Variants in CNTN4 observed in about 807,000 individuals in gnomAD.
CNTN4 encodes contactin-4.
CNTN4 carries 77 observed loss-of-function variants against 122.5 expected under a neutral mutation model. That is an observed-to-expected ratio of 0.63 (90% CI 0.52 to 0.76). CNTN4 has a LOEUF of 0.76. Among genes scored for constraint, CNTN4 ranks in the 30% least tolerant of loss-of-function variants. The pLI, the probability that CNTN4 is intolerant of heterozygous loss-of-function variation, is 0.00. For missense variants in CNTN4, 1,256 were observed against 1,259.1 expected (o/e 1.00, Z 0.04); for synonymous variants, 512 against 447.0 (o/e 1.15, Z -1.83).
intron 23 of CNTN4, among the ~76,000 whole-genome samples, chr3:3,053,255 A>G (rs1159361671): frequency 6.6e-6 from 1 of 152,172 alleles, no homozygotes; most frequent in Non-Finnish European, 1.5e-5. Context: ...GGCTGGTCTC[A>G]AACTCCTGGC....
intron 3 of CNTN4, among the ~76,000 whole-genome samples, chr3:2,454,784 G>A (rs1407152314): frequency 6.6e-6 from 1 of 151,870 alleles, no homozygotes; most frequent in East Asian, 1.9e-4. Flanking sequence ...TACTCAGTAA[G>A]TATTTCATGA....
intron 8 of CNTN4, among the ~76,000 whole-genome samples, chr3:2,868,867 A>G (rs2093753639): frequency 6.6e-6 from 1 of 152,114 alleles, no homozygotes; most frequent in African/African-American, 2.4e-5. Flanking sequence ...GTGGGTGTCT[A>G]CTTTAGACAG....
chr3:2,297,148 T>A (rs760867261), intron 2 of CNTN4, among the ~76,000 whole-genome samples: 5 of 152,206 alleles, frequency 3.3e-5, no homozygotes, highest in Non-Finnish European at 5.9e-5. Context: ...TCAACCGTAA[T>A]GTCTTTCAAT....
chr3:2,203,517 T>C (rs895105431), intron 2 of CNTN4, among the ~76,000 whole-genome samples: 1 of 152,108 alleles, frequency 6.6e-6, no homozygotes, highest in Non-Finnish European at 1.5e-5. Context: ...ATGTTATATA[T>C]ACCTGGGTCT....
chr3:2,762,326 T>C (rs2090628144), intron 6 of CNTN4, among the ~76,000 whole-genome samples: 1 of 152,248 alleles, frequency 6.6e-6, no homozygotes, highest in Non-Finnish European at 1.5e-5. Flanking sequence ...TTAAGCATAG[T>C]ACCCATTAGT....
At chr3:2,532,118 G>C (rs1167386948) in intron 3 of CNTN4, among the ~76,000 whole-genome samples, 3 of 152,090 alleles carry the variant, frequency 2.0e-5, no homozygotes, top group Non-Finnish European at 4.4e-5. Flanking sequence ...GGCTGATTTT[G>C]CTAAATATAT....
chr3:3,037,876 C>A (rs1699758036), intron 18 of CNTN4, among the ~76,000 whole-genome samples: 1 of 152,206 alleles, frequency 6.6e-6, no homozygotes, highest in Non-Finnish European at 1.5e-5. Flanking sequence ...CAGTATGGCC[C>A]TCTGCATATG....
intron 7 of CNTN4, among the ~76,000 whole-genome samples, chr3:2,850,540 G>A (rs1348571971): frequency 6.6e-6 from 1 of 152,094 alleles, no homozygotes; most frequent in African/African-American, 2.4e-5. Context: ...AGGGACTTCA[G>A]CTTGCACCCA....
At chr3:3,003,709 AAAAAACAAAAAAAC>A (rs1696295492) in intron 14 of CNTN4, among the ~76,000 whole-genome samples, 1 of 148,946 alleles carries the variant, frequency 6.7e-6, no homozygotes, top group Admixed American at 6.7e-5. Flanking sequence ...AAAAAAAAAA[AAAAAACAAAAAAAC>A]CCCACTGAAT....
At chr3:2,746,351 T>TA (rs1198871659) in intron 6 of CNTN4, among the ~76,000 whole-genome samples, 1 of 152,170 alleles carries the variant, frequency 6.6e-6, no homozygotes, top group Non-Finnish European at 1.5e-5. Context: ...TTAAAATGTT[T>TA]AAAAAAACAA....
chr3:3,036,510 C>G (rs1699618317), intron 17 of CNTN4, among the ~76,000 whole-genome samples: 1 of 152,112 alleles, frequency 6.6e-6, no homozygotes, highest in Non-Finnish European at 1.5e-5. Flanking sequence ...CAACTGTCAT[C>G]CCAGCACTTT....
chr3:2,388,551 T>C (rs2046327876), intron 3 of CNTN4, among the ~76,000 whole-genome samples: 1 of 152,236 alleles, frequency 6.6e-6, no homozygotes, highest in Admixed American at 6.5e-5. Context: ...TTTAGAAATC[T>C]ACCTAACCAA....
At chr3:2,553,428 C>G (rs1288569908) in intron 3 of CNTN4, among the ~76,000 whole-genome samples, 2 of 152,132 alleles carry the variant, frequency 1.3e-5, no homozygotes, top group South Asian at 2.1e-4. Flanking sequence ...GGCCTTTCAT[C>G]TCAAGAACAA....
chr3:2,829,130 T>C (rs1390994683), intron 7 of CNTN4, among the ~76,000 whole-genome samples: 1 of 152,256 alleles, frequency 6.6e-6, no homozygotes, highest in Non-Finnish European at 1.5e-5. Flanking sequence ...ATTTGAAATG[T>C]AATCAGCCAG....
At position 2,213,417 on chromosome 3, in the gene CNTN4, A is replaced by T. The variant is rs549528389; in HGVS notation, c.-145+112778A>T. Among the ~76,000 whole-genome samples the T allele has an allele frequency of 2.6e-4, 40 of 152,280 alleles. 1 individual carries two copies. In the South Asian group the frequency reaches 7.7e-3, roughly 29 times the overall value. ...TCCACCATTTGTTATTTTAATCCCA[A>T]TGCTAAATTCTAATTACCATTCAGT... On this transcript the variant is annotated intron_variant, in intron 2 of 24. Transcript: ENST00000418658.
intron 2 of CNTN4, among the ~76,000 whole-genome samples, chr3:2,183,878 T>TA (rs1469056396): frequency 6.6e-6 from 1 of 152,154 alleles, no homozygotes; most frequent in Non-Finnish European, 1.5e-5. Context: ...AAGAAACAAA[T>TA]ACGTTTGGAA....
At chr3:2,250,932 A>C (rs2040353658) in intron 2 of CNTN4, among the ~76,000 whole-genome samples, 2 of 151,884 alleles carry the variant, frequency 1.3e-5, no homozygotes, top group African/African-American at 4.8e-5. Context: ...TTAAAGGAAT[A>C]ATTAGTAAAG....
At chr3:2,901,082 T>C (rs1179873937) in intron 11 of CNTN4, among the ~76,000 whole-genome samples, 1 of 152,208 alleles carries the variant, frequency 6.6e-6, no homozygotes, top group Non-Finnish European at 1.5e-5. Context: ...GGGAAAGTTA[T>C]GCAAAAGGTC....
At chr3:2,631,385 A>G (rs1412393104) in intron 4 of CNTN4, among the ~76,000 whole-genome samples, 1 of 152,206 alleles carries the variant, frequency 6.6e-6, no homozygotes, top group African/African-American at 2.4e-5. Flanking sequence ...GTTCATATGT[A>G]GTAGAAGAAG....
Sources: allele counts gnomAD v4.1 joint callset (sites outside exome capture counted in the v4.1 genomes callset), GRCh38; gene constraint gnomAD v4.1.1; transcripts MANE v1.5; gene names NCBI Gene and HGNC (gene_info 2026-07-23, HGNC 2026-07-21).